Variants in SOCS5 observed in about 807,000 individuals in gnomAD.
SOCS5 encodes CIS-6.
A neutral mutation model predicts 42.8 loss-of-function variants in SOCS5; 32 were observed. The observed-to-expected ratio is 0.75, with a 90% CI of 0.56 to 1.01. The LOEUF (loss-of-function observed/expected upper bound fraction) is 1.01, where lower values mean the gene tolerates loss of function less well. SOCS5 is among the 50% of genes least tolerant of loss of function. The pLI, the probability that SOCS5 is intolerant of heterozygous loss-of-function variation, is 0.00. For synonymous variants in SOCS5, 283 were observed against 229.6 expected (o/e 1.23, Z -2.10); for missense variants, 627 against 653.0 (o/e 0.96, Z 0.43).
chr2:46,717,647 C>G (rs1447484505), intron 1 of SOCS5, among the ~76,000 whole-genome samples: 1 of 151,764 alleles, frequency 6.6e-6, no homozygotes, highest in Non-Finnish European at 1.5e-5. Context: ...GTATTTTTTT[C>G]TCATCCCACT....
intron 1 of SOCS5, among the ~76,000 whole-genome samples, chr2:46,703,610 T>G (rs1267139423): frequency 6.6e-6 from 1 of 152,208 alleles, no homozygotes; most frequent in Non-Finnish European, 1.5e-5. Context: ...CATTGCTCAT[T>G]TTTTCATTAG....
chr2:46,724,947 T>C (rs1672960617), intron 1 of SOCS5, among the ~76,000 whole-genome samples: 1 of 152,032 alleles, frequency 6.6e-6, no homozygotes, highest in African/African-American at 2.4e-5. Flanking sequence ...TGCATAGTTT[T>C]TTGAGAGGAG....
intron 1 of SOCS5, among the ~76,000 whole-genome samples, chr2:46,719,119 G>GTATTAGTGTAA (rs1409100528): frequency 7.9e-5 from 12 of 152,234 alleles, no homozygotes; most frequent in African/African-American, 2.9e-4. Flanking sequence ...TTAGTGTACT[G>GTATTAGTGTAA]TTCTGATTAT....
Position 46,758,992 on chromosome 2 carries a change from G to A in SOCS5, c.462G>A (p.Arg154=). 3 of 1,613,964 alleles carry A rather than the reference G, an allele frequency of 1.9e-6. No homozygotes were observed. Among genetic ancestry groups the A allele is most frequent in the Non-Finnish European group, 1.7e-6 (2 of 1,179,848 alleles). Residue 154 remains arginine, a synonymous_variant, in exon 2 of 2, where the codon AGG becomes AGA. Coordinates refer to ENST00000394861, the MANE Select transcript of SOCS5 (RefSeq NM_144949.3). Reference sequence around the variant, plus strand: ...GAAGTGGACTTCAAAGGAGAGAGAGGCGCTACGGCGTAAGTTCTGTACACG... The same window carrying A: ...GAAGTGGACTTCAAAGGAGAGAGAGACGCTACGGCGTAAGTTCTGTACACG... The part of the protein sequence containing the change: ...RTRSGLQRRE[R]RYGVSSVHDM...
At chr2:46,706,813 G>A (rs892308159) in intron 1 of SOCS5, among the ~76,000 whole-genome samples, 2 of 152,138 alleles carry the variant, frequency 1.3e-5, no homozygotes, top group African/African-American at 4.8e-5. Context: ...GTGAAGAGGG[G>A]TTGTGGATTG....
intron 1 of SOCS5, among the ~76,000 whole-genome samples, chr2:46,704,676 C>A (rs1032133735): frequency 1.3e-5 from 2 of 152,236 alleles, no homozygotes; most frequent in South Asian, 4.2e-4. Flanking sequence ...GTGACTAGAG[C>A]AGAAAGAATA....
At chr2:46,734,536 AG>A (rs1383060329) in intron 1 of SOCS5, among the ~76,000 whole-genome samples, 1 of 152,228 alleles carries the variant, frequency 6.6e-6, no homozygotes, top group Non-Finnish European at 1.5e-5. Flanking sequence ...TACTTAATCT[AG>A]CCATTACCGA....
At chr2:46,709,071 G>C (rs1672557894) in intron 1 of SOCS5, among the ~76,000 whole-genome samples, 1 of 151,924 alleles carries the variant, frequency 6.6e-6, no homozygotes, top group African/African-American at 2.4e-5. Flanking sequence ...ATTTTTAGTA[G>C]AGATGAGGTT....
chr2:46,713,366 G>A (rs41478946), intron 1 of SOCS5, among the ~76,000 whole-genome samples: 1 of 152,088 alleles, frequency 6.6e-6, no homozygotes, highest in African/African-American at 2.4e-5. Flanking sequence ...TAAAACAAAT[G>A]TAAGACTACT....
At chr2:46,706,625 T>A (rs188416790) in intron 1 of SOCS5, among the ~76,000 whole-genome samples, 1 of 152,198 alleles carries the variant, frequency 6.6e-6, no homozygotes, top group Non-Finnish European at 1.5e-5. Context: ...GGAACATTAA[T>A]TAACAAGGAA....
intron 1 of SOCS5, among the ~76,000 whole-genome samples, chr2:46,751,387 C>A (rs1673619393): frequency 6.6e-6 from 1 of 151,478 alleles, no homozygotes; most frequent in African/African-American, 2.4e-5. Context: ...CCATCTCTGA[C>A]ATAGTTTACT....
chr2:46,761,586 A>C lies in SOCS5; in HGVS notation c.*1445A>C, dbSNP rs1404482001. ...TTGTTATGGCTGCTTTTTTTGTGCT[A>C]ATAAAGTATGTTTGGTGTTCTCCTT... On this transcript the variant is annotated 3_prime_UTR_variant, in exon 2 of 2. Transcript: ENST00000394861. 2 of 166,948 alleles carry C rather than the reference A, an allele frequency of 1.2e-5. No individual in the cohort carries two copies. The highest frequency in any genetic ancestry group is 4.8e-5 in the African/African-American group (2 of 41,426). 10.3% of individuals were successfully genotyped at this position (166,948 alleles called of 1,614,324 possible).
Position 46,759,710 on chromosome 2 carries a change from C to T in SOCS5, c.1180C>T (p.Leu394Phe), listed in dbSNP as rs763824119. Residue 394 changes from leucine to phenylalanine, a missense_variant, in exon 2 of 2, where the codon CTT becomes TTT. By Grantham distance (22) the Leu-to-Phe change is conservative (BLOSUM62 0). Coordinates refer to ENST00000394861, the MANE Select transcript of SOCS5 (RefSeq NM_144949.3). ...GVMDRYEAEA[L>F]LEGKPEGTFL... ...GATGGACCGTTATGAAGCAGAAGCC[C>T]TTCTCGAAGGGAAACCTGAAGGCAC... is the stretch of plus-strand genomic sequence containing the variant. 8.1e-6 allele frequency: 13 copies of T among 1,613,998 alleles called. No individual in the cohort carries two copies.
chr2:46,730,467 G>T (rs1051106017), intron 1 of SOCS5, among the ~76,000 whole-genome samples: 1 of 152,150 alleles, frequency 6.6e-6, no homozygotes, highest in Non-Finnish European at 1.5e-5. Flanking sequence ...AGGCATGGTG[G>T]TGGGCGCCTG....
intron 1 of SOCS5, among the ~76,000 whole-genome samples, chr2:46,733,568 C>CAAAAAAAAAAAAAA (rs1166835596): frequency 1.7e-5 from 1 of 58,460 alleles, no homozygotes; most frequent in Non-Finnish European, 3.4e-5. Flanking sequence ...GACCCTGTCT[C>CAAAAAAAAAAAAAA]AAAAAAAAAA....
chr2:46,702,939 G>C (rs1322379781), intron 1 of SOCS5, among the ~76,000 whole-genome samples: 1 of 152,086 alleles, frequency 6.6e-6, no homozygotes, highest in African/African-American at 2.4e-5. Context: ...TCTTCCATTT[G>C]TGGTCCTTTC....
At chr2:46,709,608 A>AG (rs903001353) in intron 1 of SOCS5, among the ~76,000 whole-genome samples, 1 of 152,194 alleles carries the variant, frequency 6.6e-6, no homozygotes, top group African/African-American at 2.4e-5. Context: ...GTGGAGCAGC[A>AG]GGGGGAAGTG....
chr2:46,744,801 C>A (rs1298315378), intron 1 of SOCS5, among the ~76,000 whole-genome samples: 2 of 151,682 alleles, frequency 1.3e-5, no homozygotes, highest in African/African-American at 4.8e-5. Context: ...GTGCAGGGCT[C>A]ACATGCGTGA....
At chr2:46,713,834 A>G (rs921938117) in intron 1 of SOCS5, among the ~76,000 whole-genome samples, 5 of 152,182 alleles carry the variant, frequency 3.3e-5, no homozygotes, top group Non-Finnish European at 7.4e-5. Flanking sequence ...CATCCCACAG[A>G]TATTGATATG....
Sources: allele counts gnomAD v4.1 joint callset (sites outside exome capture counted in the v4.1 genomes callset), GRCh38; gene constraint gnomAD v4.1.1; transcripts MANE v1.5; gene names NCBI Gene and HGNC (gene_info 2026-07-23, HGNC 2026-07-21).